Variants in PRMT9 observed in about 807,000 individuals in gnomAD.
The protein encoded by PRMT9 is protein arginine methyltransferase 9, also known as protein arginine N-methyltransferase 9.
A neutral mutation model predicts 83.2 loss-of-function variants in PRMT9; 59 were observed. That is an observed-to-expected ratio of 0.71 (90% CI 0.57 to 0.88). PRMT9 has a LOEUF of 0.88. PRMT9 is among the 40% of genes least tolerant of loss of function. The probability of loss-of-function intolerance (pLI) is 0.00; values close to 1 mark genes in which losing one functional copy is unlikely to be tolerated. For synonymous variants in PRMT9, 333 were observed against 353.2 expected (o/e 0.94, Z 0.64); for missense variants, 947 against 1,021.9 (o/e 0.93, Z 1.00).
chr4:147,677,914 G>A (rs991979783), intron 2 of PRMT9, among the ~76,000 whole-genome samples: 1 of 151,918 alleles, frequency 6.6e-6, no homozygotes, highest in African/African-American at 2.4e-5. Flanking sequence ...TATCACAGGG[G>A]AGTACATTTG....
chr4:147,683,065 A>G (rs1394491869), intron 1 of PRMT9, among the ~76,000 whole-genome samples: 1 of 152,260 alleles, frequency 6.6e-6, no homozygotes, highest in Non-Finnish European at 1.5e-5. Context: ...ACAGCATTTC[A>G]ACAGAGTAAT....
chr4:147,673,644 A>G lies in PRMT9; in HGVS notation c.569T>C (p.Ile190Thr). ...AAATGCAATTACTACCAACCTTAGT[A>G]TTCCAGTTCCTGCTCCAATGTCCAA... ...SVLDIGAGTG[I>T]LSMFAKKAGA... Residue 190 changes from isoleucine to threonine, a missense_variant, in exon 3 of 12, where the codon ATA (isoleucine) becomes ACA (threonine). Coordinates refer to ENST00000322396, the MANE Select transcript of PRMT9 (RefSeq NM_138364.4). The G allele has an allele frequency of 1.3e-6, 2 of 1,590,800 alleles. No homozygotes were observed. Among genetic ancestry groups the G allele is most frequent in the Non-Finnish European group, 1.7e-6 (2 of 1,158,664 alleles).
chr4:147,683,930 C>T lies in PRMT9; in HGVS notation c.58G>A (p.Gly20Ser). 6.2e-7 allele frequency: 1 copy of T among 1,612,948 alleles called. No homozygotes were observed. Among genetic ancestry groups the T allele is most frequent in the Non-Finnish European group, 8.5e-7 (1 of 1,179,714 alleles). Residue 20 changes from glycine (G) to serine (S), a missense_variant, in exon 1 of 12, where the codon GGC (glycine) becomes AGC (serine). By Grantham distance (56) the Gly-to-Ser change is moderately conservative. Coordinates refer to ENST00000322396, the MANE Select transcript of PRMT9 (RefSeq NM_138364.4). ...RDAGGGAGAAGRDELVSRSLQ... is the reference protein window; with the variant it reads ...RDAGGGAGAASRDELVSRSLQ... ...GACCGCGACACCAGCTCGTCCCGGCCGGCTGCCCCAGCGCCACCCCCGGCG... is the reference window on the plus strand; with the variant it reads ...GACCGCGACACCAGCTCGTCCCGGCTGGCTGCCCCAGCGCCACCCCCGGCG...
intron 10 of PRMT9, among the ~76,000 whole-genome samples, chr4:147,640,910 A>T (rs192245701): frequency 5.3e-5 from 8 of 152,064 alleles, no homozygotes; most frequent in Admixed American, 5.2e-4. Context: ...AGACAGTCTC[A>T]CTTTGTTGCC....
chr4:147,643,043 T>A, intron 9 of PRMT9, 103 bp from the exon 10 acceptor site: 1 of 1,005,812 alleles, frequency 9.9e-7, no homozygotes, highest in Non-Finnish European at 1.5e-6. Context: ...GTGGATCACT[T>A]AAGCCCAAGA....
At position 147,643,875 on chromosome 4, in the gene PRMT9, C is replaced by T. The variant is rs540199814; in HGVS notation, c.2046-935G>A. ...GGTGTGGTGGTGCACACCTGTAGTC[C>T]CAGCTACTCAACAGGCTGAGATGGG... is the stretch of plus-strand genomic sequence containing the variant. On this transcript the variant is annotated intron_variant, in intron 9 of 11. Transcript: ENST00000322396. Among the ~76,000 whole-genome samples the T allele has an allele frequency of 1.8e-3, 272 of 152,176 alleles. 3 individuals carry two copies. Among genetic ancestry groups the T allele is most frequent in the Non-Finnish European group, 3.2e-4 (22 of 67,998 alleles).
chr4:147,654,041 A>G lies in PRMT9; in HGVS notation c.1856T>C (p.Leu619Pro), dbSNP rs1560977485. 2 of 1,614,254 alleles carry G rather than the reference A, an allele frequency of 1.2e-6. No homozygotes were observed. The highest frequency in any genetic ancestry group is 1.7e-6 in the Non-Finnish European group (2 of 1,180,042). The part of the protein sequence containing the change: ...SVEKDQHRIA[L>P]DLISEANHFP... The stretch of plus-strand genomic sequence containing the variant: ...GTGATTGGCTTCAGATATGAGGTCC[A>G]GAGCAATACGATGCTGGTCTTTCTC... Residue 619 changes from leucine to proline, a missense_variant, in exon 9 of 12, where the codon CTG becomes CCG. Coordinates refer to ENST00000322396, the MANE Select transcript of PRMT9 (RefSeq NM_138364.4).
chr4:147,652,088 C>A (rs993067857), intron 9 of PRMT9, among the ~76,000 whole-genome samples: 1 of 152,126 alleles, frequency 6.6e-6, no homozygotes, highest in Non-Finnish European at 1.5e-5. Flanking sequence ...AACAGTCACA[C>A]TGCAACTACA....
rs1256042773 is a variant in PRMT9, at chr4:147,640,381, A to G, written c.2200-1299T>C. On this transcript the variant is annotated intron_variant, in intron 10 of 11. Coordinates refer to ENST00000322396, the MANE Select transcript of PRMT9 (RefSeq NM_138364.4). ...AGCCACCATGCCCGGCCCTCCTGTCATCTTTGCCAGTTCCTTCTATATAAC... is the reference window on the plus strand; with the variant it reads ...AGCCACCATGCCCGGCCCTCCTGTCGTCTTTGCCAGTTCCTTCTATATAAC... Among the ~76,000 whole-genome samples, 2 of 151,888 alleles carry G rather than the reference A, an allele frequency of 1.3e-5. 1 individual carries two copies. The highest frequency in any genetic ancestry group is 2.9e-5 in the Non-Finnish European group (2 of 67,936).
chr4:147,661,079 T>A, intron 6 of PRMT9, 41 bp from the exon 7 acceptor site: 2 of 1,323,904 alleles, frequency 1.5e-6, no homozygotes, highest in Non-Finnish European at 2.2e-6. Flanking sequence ...GAAGATGGAT[T>A]TTTTTAGAAT....
intron 2 of PRMT9, 57 bp from the exon 3 acceptor site, chr4:147,673,931 G>A: frequency 3.6e-6 from 5 of 1,403,998 alleles, no homozygotes; most frequent in Non-Finnish European, 5.0e-6. Context: ...ACCAACTGCA[G>A]TACCTTTGTT....
intron 9 of PRMT9, among the ~76,000 whole-genome samples, chr4:147,650,712 C>T (rs1734035973): frequency 6.6e-6 from 1 of 152,186 alleles, no homozygotes; most frequent in Non-Finnish European, 1.5e-5. Context: ...TTGGAGGCCT[C>T]ACACTTCCTG....
intron 9 of PRMT9, among the ~76,000 whole-genome samples, chr4:147,646,990 G>A (rs746634251): frequency 1.3e-5 from 2 of 152,130 alleles, no homozygotes; most frequent in Non-Finnish European, 2.9e-5. Context: ...TTAGTTTATA[G>A]TTTAACTTTA....
rs913635136 is a variant in PRMT9 at position 147,683,952 on chromosome 4, G to A, written c.36C>T (p.Ala12=). The A allele has an allele frequency of 6.8e-6, 11 of 1,612,766 alleles. No individual in the cohort carries two copies. The highest frequency in any genetic ancestry group is 3.3e-5 in the Admixed American group (2 of 59,974). Residue 12 remains alanine (A), a synonymous_variant, in exon 1 of 12, where the codon GCC becomes GCT. Coordinates refer to ENST00000322396, the MANE Select transcript of PRMT9 (RefSeq NM_138364.4). ...GGCCGGCTGCCCCAGCGCCACCCCC[G>A]GCGTCTCGGCGGGACCTGGGCCGCG... ...SNSRPRSRRD[A]GGGAGAAGRD...
At chr4:147,668,772 A>C (rs1735530600) in intron 5 of PRMT9, 127 bp from the exon 6 acceptor site, 4 of 684,872 alleles carry the variant, frequency 5.8e-6, no homozygotes, top group African/African-American at 3.6e-5. Flanking sequence ...AGTAAGTTAA[A>C]GGTTTTTTTT....
In PRMT9 at chr4:147,676,006, T is replaced by C. The variant is rs571757090; in HGVS notation, c.339-2132A>G. Among the ~76,000 whole-genome samples, 32 of 152,316 alleles carry C rather than the reference T, an allele frequency of 2.1e-4. No homozygotes were observed. The Middle Eastern group carries it at 0.024, about 113-fold the overall frequency. On this transcript the variant is annotated intron_variant, in intron 2 of 11. Transcript: ENST00000322396. Reference sequence around the variant, plus strand: ...GCTATTTTTGATGACAAAAGGAGTATAGAACAAGAACCATTGTAAGTCAAG... The same window carrying C: ...GCTATTTTTGATGACAAAAGGAGTACAGAACAAGAACCATTGTAAGTCAAG...
intron 1 of PRMT9, among the ~76,000 whole-genome samples, chr4:147,683,528 T>C (rs1194343634): frequency 1.3e-5 from 2 of 152,100 alleles, no homozygotes; most frequent in African/African-American, 4.8e-5. Flanking sequence ...GGGCTGGTCG[T>C]AGGTGTGAAT....
chr4:147,668,756 G>T (rs927663999), intron 5 of PRMT9, 111 bp from the exon 6 acceptor site: 24 of 732,662 alleles, frequency 3.3e-5, no homozygotes, highest in Middle Eastern at 2.7e-4. Flanking sequence ...CAATAAGTAA[G>T]GATAAAGTAA....
chr4:147,661,577 T>C (rs1734950653), intron 6 of PRMT9, among the ~76,000 whole-genome samples: 2 of 151,640 alleles, frequency 1.3e-5, no homozygotes, highest in Non-Finnish European at 2.9e-5. Context: ...GATCACGAGG[T>C]CAGGAGATCG....
Sources: allele counts gnomAD v4.1 joint callset (sites outside exome capture counted in the v4.1 genomes callset), GRCh38; gene constraint gnomAD v4.1.1; transcripts MANE v1.5; gene names NCBI Gene and HGNC (gene_info 2026-07-23, HGNC 2026-07-21).